DYNC1H1: variants seen among roughly 807,000 people sequenced by gnomAD.
The protein encoded by DYNC1H1 is dynein cytoplasmic 1 heavy chain 1, also known as cytoplasmic dynein 1 heavy chain 1.
A neutral mutation model predicts 527.1 loss-of-function variants in DYNC1H1; 51 were observed. The observed-to-expected ratio is 0.10, with a 90% CI of 0.08 to 0.12. DYNC1H1 has a LOEUF of 0.12. Ranked by LOEUF, DYNC1H1 falls within the 10% of genes least tolerant of loss-of-function variation. The pLI, the probability that DYNC1H1 is intolerant of heterozygous loss-of-function variation, is 1.00. For synonymous variants in DYNC1H1, 2,189 were observed against 2,278.8 expected (o/e 0.96, Z 1.12); for missense variants, 2,771 against 5,971.8 (o/e 0.46, Z 17.66).
Position 102,005,449 on chromosome 14 carries a change from G to C in DYNC1H1, c.5433+213G>C, listed in dbSNP as rs1030126620. On this transcript the variant is annotated intron_variant, in intron 26 of 77. Transcript: ENST00000360184. The surrounding 1 kb of genome is among the most constrained non-coding windows in gnomAD (Gnocchi z 4.0). ...GCAGGGGTTACGCGACATCACGGTA[G>C]AGAGGAAGGGATCAACCTTGGTCAG... Among the ~76,000 whole-genome samples the C allele has an allele frequency of 1.1e-4, 16 of 152,218 alleles. No individual in the cohort carries two copies. The highest frequency in any genetic ancestry group is 9.2e-4 in the Admixed American group (14 of 15,276).
Position 102,014,607 on chromosome 14 carries a change from G to A in DYNC1H1, c.7015-498G>A, listed in dbSNP as rs61180862. Reference sequence around the variant, plus strand: ...TGTGAGACTGGAGGGATCCACGCCCGGTGCGCACCCAGGACACAGTCACTG... The same window carrying A: ...TGTGAGACTGGAGGGATCCACGCCCAGTGCGCACCCAGGACACAGTCACTG... On this transcript the variant is annotated intron_variant, in intron 34 of 77. Transcript: ENST00000360184. 5.7e-3 allele frequency among the ~76,000 whole-genome samples: 862 copies of A among 151,684 alleles called. 7 individuals are homozygous for A. The highest frequency in any genetic ancestry group is 0.02 in the African/African-American group (813 of 41,330).
rs1447594945 is a variant in DYNC1H1 at position 102,010,940 on chromosome 14, G to A, written c.6606G>A (p.Met2202Ile). Residue 2202 changes from methionine to isoleucine, a missense_variant, in exon 32 of 78, where the codon ATG (methionine) becomes ATA (isoleucine). Transcript: ENST00000360184. The surrounding 1 kb of genome is among the most constrained non-coding windows in gnomAD (Gnocchi z 6.0). The part of the protein sequence containing the change: ...TYGDGEEVGG[M>I]WVEKVLQLYQ... ...GAGATGGAGAAGAAGTTGGTGGAAT[G>A]TGGGTTGAAAAGGTAACTTGGATTG... 2 of 1,614,130 alleles carry A rather than the reference G, an allele frequency of 1.2e-6. No homozygotes were observed. Among genetic ancestry groups the A allele is most frequent in the Non-Finnish European group, 1.7e-6 (2 of 1,180,056 alleles).
chr14:102,049,291 G>T lies in DYNC1H1; in HGVS notation c.13373-149G>T. The T allele has an allele frequency of 2.7e-6, 3 of 1,116,364 alleles. No homozygotes were observed. The highest frequency in any genetic ancestry group is 2.6e-6 in the Non-Finnish European group (2 of 764,556). 69.2% of individuals were successfully genotyped at this position (1,116,364 alleles called of 1,614,324 possible). The stretch of plus-strand genomic sequence containing the variant: ...AGATGTGGTGAGGGCGGCGCCAGGG[G>T]CATAAAGTGCAGCCTGGGAAAGGCA... On this transcript the variant is annotated intron_variant, in intron 74 of 77. Transcript: ENST00000360184. The surrounding 1 kb of genome is among the most constrained non-coding windows in gnomAD (Gnocchi z 5.5).
intron 2 of DYNC1H1, among the ~76,000 whole-genome samples, chr14:101,977,262 T>C (rs1185899995): frequency 6.6e-6 from 1 of 152,240 alleles, no homozygotes; most frequent in Non-Finnish European, 1.5e-5. Context: ...AGTAGACATA[T>C]CCAAATTTAA....
In DYNC1H1 at chr14:102,029,541, G is replaced by T. The variant is rs151255069; in HGVS notation, c.9471G>T (p.Ala3157=). The change falls in exon 49 of 78, where the codon GCG becomes GCT. Residue 3157 remains alanine, a splice_region_variant and synonymous_variant. Coordinates refer to ENST00000360184, the MANE Select transcript of DYNC1H1 (RefSeq NM_001376.5). This position sits in a 1 kb window ranked among gnomAD's most constrained non-coding sequence, Gnocchi z 5.3. ...AAGATGTAACTATTTTCTGAAAGGC[G>T]AATGCTCGGCTAGCAAAGCGAGGCG... The part of the protein sequence containing the change: ...CVFVHQTLHQ[A]NARLAKRGGR... 5.0e-6 allele frequency: 8 copies of T among 1,614,056 alleles called. No individual in the cohort carries two copies. Among genetic ancestry groups the T allele is most frequent in the Non-Finnish European group, 6.8e-6 (8 of 1,180,046 alleles).
rs1297892930 is a variant in DYNC1H1, at chr14:101,987,492, G to C, written c.2578G>C (p.Glu860Gln). 6.2e-7 allele frequency: 1 copy of C among 1,614,160 alleles called. No homozygotes were observed. Among genetic ancestry groups the C allele is most frequent in the Non-Finnish European group, 8.5e-7 (1 of 1,180,034 alleles). The change falls in exon 9 of 78, where the codon GAA becomes CAA. Residue 860 changes from glutamate (E) to glutamine (Q), a missense_variant. Physicochemically the swap from Glu to Gln is conservative, Grantham distance 29 (BLOSUM62 2). Transcript: ENST00000360184. Reference sequence around the variant, plus strand: ...GATCATTGAAGAAAAAATAGACCTAGAAGTCCGTTCCTTGGAAACTTGTAT... The same window carrying C: ...GATCATTGAAGAAAAAATAGACCTACAAGTCCGTTCCTTGGAAACTTGTAT... ...LLIIEEKIDL[E>Q]VRSLETCMYD...
intron 7 of DYNC1H1, among the ~76,000 whole-genome samples, chr14:101,984,932 C>CA (rs773102943): frequency 0.087 from 3,224 of 36,900 alleles, 55 homozygotes; most frequent in Non-Finnish European, 0.12. Flanking sequence ...GGCTCCGTCT[C>CA]AAAAAAAAAA....
At position 102,012,497 on chromosome 14, in the gene DYNC1H1, C is replaced by T. The variant is rs776213474; in HGVS notation, c.7014+27C>T. 2 of 1,614,138 alleles carry T rather than the reference C, an allele frequency of 1.2e-6. No homozygotes were observed. The highest frequency in any genetic ancestry group is 8.5e-7 in the Non-Finnish European group (1 of 1,180,032). The stretch of plus-strand genomic sequence containing the variant: ...TAAGTAGCCTTTTGTATGTCGTCAA[C>T]TGAATAATTCCTTTTGGCCAACTAA... On this transcript the variant is annotated intron_variant, in intron 34 of 77. Transcript: ENST00000360184. This position sits in a 1 kb window ranked among gnomAD's most constrained non-coding sequence, Gnocchi z 4.9.
chr14:102,031,454 C>G (rs1021009411), intron 51 of DYNC1H1, among the ~76,000 whole-genome samples: 1 of 152,064 alleles, frequency 6.6e-6, no homozygotes, highest in African/African-American at 2.4e-5. Context: ...AGGCTGGTTT[C>G]AAACTGCTGG....
At chr14:102,000,437 A>G (rs996356532) in intron 18 of DYNC1H1, 38 bp downstream of exon 18, 24 of 1,596,724 alleles carry the variant, frequency 1.5e-5, no homozygotes, top group African/African-American at 4.0e-5. Flanking sequence ...CGTCTATTTT[A>G]ACAGTTACAG....
intron 44 of DYNC1H1, 155 bp downstream of exon 44, chr14:102,026,862 C>T (rs1182033333): frequency 2.6e-6 from 3 of 1,132,582 alleles, no homozygotes; most frequent in African/African-American, 3.1e-5. Context: ...CTAAGTCCAG[C>T]TTAACCATCC....
chr14:102,011,830 T>G lies in DYNC1H1; in HGVS notation c.6619-45T>G. Reference sequence around the variant, plus strand: ...TGGCTGGGCGAGGAGCTGTCCCCATTCCTCCTCTGGGATGGTCACTGTGCT... The same window carrying G: ...TGGCTGGGCGAGGAGCTGTCCCCATGCCTCCTCTGGGATGGTCACTGTGCT... On this transcript the variant is annotated intron_variant, in intron 32 of 77. Transcript: ENST00000360184. This position sits in a 1 kb window ranked among gnomAD's most constrained non-coding sequence, Gnocchi z 5.3. 6.3e-7 allele frequency: 1 copy of G among 1,591,678 alleles called. No individual in the cohort carries two copies.
chr14:102,026,455 G>A (rs1208268997), intron 43 of DYNC1H1, 119 bp from the exon 44 acceptor site: 7 of 1,127,678 alleles, frequency 6.2e-6, no homozygotes, highest in East Asian at 4.8e-5. Context: ...TGTTATAAAT[G>A]ATACCTTTTT....
intron 42 of DYNC1H1, among the ~76,000 whole-genome samples, chr14:102,022,128 T>G (rs2048391410): frequency 6.6e-6 from 1 of 150,966 alleles, no homozygotes; most frequent in African/African-American, 2.4e-5. Flanking sequence ...AGAGTGAGAC[T>G]CTGTAAGTAA....
Position 102,036,668 on chromosome 14 carries a change from A to C in DYNC1H1, c.10908+26A>C. 1 of 1,613,816 alleles carries C rather than the reference A, an allele frequency of 6.2e-7. No individual in the cohort carries two copies. The highest frequency in any genetic ancestry group is 8.5e-7 in the Non-Finnish European group (1 of 1,179,906). ...GTTGGTGTTGGCCTTTGAATTCTTGAAACACTGCATTCAAGAGTGAATTCC... is the reference window on the plus strand; with the variant it reads ...GTTGGTGTTGGCCTTTGAATTCTTGCAACACTGCATTCAAGAGTGAATTCC... On this transcript the variant is annotated intron_variant, in intron 57 of 77. Coordinates refer to ENST00000360184, the MANE Select transcript of DYNC1H1 (RefSeq NM_001376.5). This position sits in a 1 kb window ranked among gnomAD's most constrained non-coding sequence, Gnocchi z 5.6.
intron 57 of DYNC1H1, chr14:102,037,140 A>G (rs1371695991): frequency 5.7e-6 from 1 of 174,946 alleles, no homozygotes; most frequent in African/African-American, 2.4e-5. Context: ...AAAAAGCAAG[A>G]AACAGCCAGG....
Position 102,050,420 on chromosome 14 carries a change from C to G in DYNC1H1, c.13813-15C>G, listed in dbSNP as rs1376176000. 1 of 1,614,080 alleles carries G rather than the reference C, an allele frequency of 6.2e-7. No homozygotes were observed. Among genetic ancestry groups the G allele is most frequent in the African/African-American group, 1.3e-5 (1 of 74,920 alleles). The stretch of plus-strand genomic sequence containing the variant: ...TTTTCCCTTAAGCCACCAGTAAACC[C>G]CTCTGCTTCTGCAGGTAACCTTACC... On this transcript the variant is annotated splice_polypyrimidine_tract_variant and intron_variant, in intron 77 of 77. Transcript: ENST00000360184.
At chr14:101,993,183 G>C (rs576746902) in intron 11 of DYNC1H1, among the ~76,000 whole-genome samples, 2 of 151,962 alleles carry the variant, frequency 1.3e-5, no homozygotes, top group African/African-American at 4.8e-5. Flanking sequence ...AAAAATCATG[G>C]TATTGTCCTT....
Position 102,027,407 on chromosome 14 carries a change from G to A in DYNC1H1, c.8911G>A (p.Asp2971Asn). ...GGTCCATAGGAAGTACACAGGGGAA[G>A]ACTTTGATGAAGATCTACGGACAGT... is the stretch of plus-strand genomic sequence containing the variant. ...IKVHRKYTGE[D>N]FDEDLRTVLR... Residue 2971 changes from aspartate to asparagine, a missense_variant, in exon 46 of 78, where the codon GAC becomes AAC. Physicochemically the swap from Asp to Asn is conservative, Grantham distance 23. This residue lies in a region of DYNC1H1 where 84 missense variants were observed against 285.4 expected (regional missense o/e 0.29). Transcript: ENST00000360184. The surrounding 1 kb of genome is among the most constrained non-coding windows in gnomAD (Gnocchi z 7.7). 6.2e-7 allele frequency: 1 copy of A among 1,614,162 alleles called. No homozygotes were observed. Among genetic ancestry groups the A allele is most frequent in the Non-Finnish European group, 8.5e-7 (1 of 1,180,038 alleles).
Sources: allele counts gnomAD v4.1 joint callset (sites outside exome capture counted in the v4.1 genomes callset), GRCh38; gene constraint gnomAD v4.1.1; regional missense constraint gnomAD v4.1.1; non-coding constraint Gnocchi (gnomAD v3.1); transcripts MANE v1.5; gene names NCBI Gene and HGNC (gene_info 2026-07-23, HGNC 2026-07-21).